The following HMGXB3 variants were observed in gnomAD, a reference collection of about 807,000 sequenced individuals.
The protein encoded by HMGXB3 is HMG domain-containing protein 3.
A neutral mutation model predicts 121.5 loss-of-function variants in HMGXB3; 45 were observed. The observed-to-expected ratio is 0.37, with a 90% CI of 0.29 to 0.47. The LOEUF is 0.47. Among genes scored for constraint, HMGXB3 ranks in the 20% least tolerant of loss-of-function variants. The probability of loss-of-function intolerance (pLI) is 0.99; values close to 1 mark genes in which losing one functional copy is unlikely to be tolerated. For synonymous variants in HMGXB3, 590 were observed against 624.1 expected (o/e 0.95, Z 0.81); for missense variants, 1,376 against 1,602.2 (o/e 0.86, Z 2.41).
chr5:150,012,291 C>CA lies in HMGXB3; in HGVS notation c.848dup (p.Phe284ValfsTer49). 6.4e-7 allele frequency: 1 copy of CA among 1,552,282 alleles called. No homozygotes were observed. The highest frequency in any genetic ancestry group is 8.7e-7 in the Non-Finnish European group (1 of 1,147,098). ...GAGTAGCTCCTCTGCACCAGCCACA[C>CA]AGTTCATCATGTTGCCTCTGCCTGC... On this transcript the variant is annotated frameshift_variant, in exon 5 of 20. Transcript: ENST00000502717.
chr5:150,011,824 C>G (rs954188489), intron 4 of HMGXB3, among the ~76,000 whole-genome samples: 8 of 151,850 alleles, frequency 5.3e-5, no homozygotes, highest in African/African-American at 1.7e-4. Flanking sequence ...GTTGGCCAGG[C>G]TGGTCTTGAA....
At chr5:150,012,027 C>T (rs1213850672) in intron 4 of HMGXB3, among the ~76,000 whole-genome samples, 1 of 152,232 alleles carries the variant, frequency 6.6e-6, no homozygotes, top group African/African-American at 2.4e-5. Flanking sequence ...GTCTTAGAAC[C>T]TCAGTTTTCT....
At chr5:150,050,019 G>T (rs1371171934) in intron 18 of HMGXB3, among the ~76,000 whole-genome samples, 1 of 152,208 alleles carries the variant, frequency 6.6e-6, no homozygotes, top group Non-Finnish European at 1.5e-5. Flanking sequence ...TTCAGCCTAA[G>T]TTGAGGACAG....
intron 6 of HMGXB3, chr5:150,021,940 G>T: frequency 4.2e-6 from 2 of 472,988 alleles, no homozygotes; most frequent in South Asian, 3.1e-5. Context: ...CGGGCTTCCT[G>T]ACCGACTTGT....
At chr5:150,047,809 G>GCCCTAAAAA in intron 17 of HMGXB3, 52 bp downstream of exon 17, 1 of 1,544,850 alleles carries the variant, frequency 6.5e-7, no homozygotes, top group Non-Finnish European at 8.8e-7. Flanking sequence ...TAGGCTGATT[G>GCCCTAAAAA]GTCCACTTTT....
intron 15 of HMGXB3, 134 bp downstream of exon 15, chr5:150,042,103 A>G (rs1756646714): frequency 9.8e-6 from 6 of 611,524 alleles, no homozygotes; most frequent in Non-Finnish European, 1.4e-5. Context: ...TTCCTCCCAC[A>G]GCCCAAGATT....
chr5:150,051,769 C>T lies in HMGXB3; in HGVS notation c.3456C>T (p.Asp1152=), dbSNP rs1392508697. 6.5e-7 allele frequency: 1 copy of T among 1,542,874 alleles called. No homozygotes were observed. Among genetic ancestry groups the T allele is most frequent in the Non-Finnish European group, 8.7e-7 (1 of 1,146,810 alleles). ...PELLDQHYTV[D]MTETEHSIQH... ...TCTTGGACCAGCATTATACTGTGGA[C>T]ATGACAGAAACTGAGCACTCTATCC... is the stretch of plus-strand genomic sequence containing the variant. The change falls in exon 20 of 20, where the codon GAC becomes GAT. Residue 1152 remains aspartate, a synonymous_variant. Transcript: ENST00000502717.
intron 6 of HMGXB3, among the ~76,000 whole-genome samples, chr5:150,021,278 C>T (rs1756087163): frequency 6.6e-6 from 1 of 152,172 alleles, no homozygotes; most frequent in Non-Finnish European, 1.5e-5. Context: ...AATAAATTGA[C>T]TTTGATTATC....
intron 13 of HMGXB3, among the ~76,000 whole-genome samples, chr5:150,039,766 T>A (rs1267708868): frequency 1.3e-5 from 2 of 150,468 alleles, no homozygotes; most frequent in Non-Finnish European, 2.9e-5. Context: ...TGACTTTTGC[T>A]TTTTAAAAAA....
At chr5:150,002,696 A>G (rs953094424) in intron 1 of HMGXB3, among the ~76,000 whole-genome samples, 2 of 151,670 alleles carry the variant, frequency 1.3e-5, no homozygotes, top group Non-Finnish European at 3.0e-5. Context: ...TGAACTGGTT[A>G]TTAAGTTTTT....
chr5:150,040,209 T>C (rs2113756949), intron 13 of HMGXB3, among the ~76,000 whole-genome samples: 1 of 152,278 alleles, frequency 6.6e-6, no homozygotes, highest in African/African-American at 2.4e-5. Flanking sequence ...TGTTTAATGA[T>C]GTATTATAGG....
At chr5:150,046,016 G>A (rs774146107) in intron 16 of HMGXB3, among the ~76,000 whole-genome samples, 2 of 152,108 alleles carry the variant, frequency 1.3e-5, no homozygotes, top group Non-Finnish European at 2.9e-5. Context: ...GTAGGGGCAG[G>A]CCAAGGAATC....
chr5:150,015,260 A>G, intron 5 of HMGXB3: 1 of 181,774 alleles, frequency 5.5e-6, no homozygotes, highest in Non-Finnish European at 1.1e-5. Context: ...GTAGAAGCTG[A>G]TGTCATTGAT....
Position 150,012,356 on chromosome 5 carries a change from C to A in HMGXB3, c.909+3C>A. 1 of 1,543,850 alleles carries A rather than the reference C, an allele frequency of 6.5e-7. No individual in the cohort carries two copies. The highest frequency in any genetic ancestry group is 8.8e-7 in the Non-Finnish European group (1 of 1,139,430). ...AGAACCCCACCTCCATCAAACTGGT[C>A]AGTACTGTATGTGGGGGATTGATGG... On this transcript the variant is annotated splice_donor_region_variant and intron_variant, in intron 5 of 19. Transcript: ENST00000502717.
chr5:150,044,061 G>A (rs1756699152), intron 15 of HMGXB3, among the ~76,000 whole-genome samples: 1 of 152,192 alleles, frequency 6.6e-6, no homozygotes, highest in Admixed American at 6.5e-5. Context: ...GTCCCAGAAT[G>A]GAGTAGCATT....
chr5:150,008,685 T>C (rs1755765152), intron 3 of HMGXB3, among the ~76,000 whole-genome samples: 2 of 152,246 alleles, frequency 1.3e-5, no homozygotes, highest in Admixed American at 6.5e-5. Context: ...TCCAGTGATA[T>C]GCCTTCTAGT....
At position 150,045,571 on chromosome 5, in the gene HMGXB3, C is replaced by T; in HGVS notation, c.2836C>T (p.Pro946Ser). 1 of 1,552,088 alleles carries T rather than the reference C, an allele frequency of 6.4e-7. No homozygotes were observed. Among genetic ancestry groups the T allele is most frequent in the South Asian group, 1.2e-5 (1 of 84,064 alleles). The change falls in exon 16 of 20, where the codon CCT (proline) becomes TCT (serine). Residue 946 changes from proline (P) to serine (S), a missense_variant. Physicochemically the swap from Pro to Ser is moderately conservative, Grantham distance 74. Coordinates refer to ENST00000502717, the MANE Select transcript of HMGXB3 (RefSeq NM_014983.3). ...IEQVAFPASIPITKFDASVIA... is the reference protein window; with the variant it reads ...IEQVAFPASISITKFDASVIA... ...GCAGGTGGCATTTCCTGCCAGCATC[C>T]CTATCACCAAATTTGATGCGTCTGT...
Position 150,006,460 on chromosome 5 carries a change from A to G in HMGXB3, c.138-13A>G. 1.9e-6 allele frequency: 3 copies of G among 1,545,498 alleles called. No individual in the cohort carries two copies. Among genetic ancestry groups the G allele is most frequent in the Non-Finnish European group, 2.6e-6 (3 of 1,143,282 alleles). ...ATTACTGGGAAAGCCTGAAGAAGTC[A>G]TTGCTTCCTCAGGTCTGCTTACCTT... On this transcript the variant is annotated splice_polypyrimidine_tract_variant and intron_variant, in intron 2 of 19. Coordinates refer to ENST00000502717, the MANE Select transcript of HMGXB3 (RefSeq NM_014983.3).
At position 150,006,521 on chromosome 5, in the gene HMGXB3, G is replaced by A. The variant is rs1263775847; in HGVS notation, c.186G>A (p.Gln62=). Reference sequence around the variant, plus strand: ...ACGACATCTACCTGAAAGTGCAGCAGGAGCTCCCCCACCTCCCTCAGTCTG... The same window carrying A: ...ACGACATCTACCTGAAAGTGCAGCAAGAGCTCCCCCACCTCCCTCAGTCTG... ...YYYDIYLKVQ[Q]ELPHLPQSEI... Residue 62 remains glutamine, a synonymous_variant, in exon 3 of 20, where the codon CAG becomes CAA. Coordinates refer to ENST00000502717, the MANE Select transcript of HMGXB3 (RefSeq NM_014983.3). The A allele has an allele frequency of 1.3e-6, 2 of 1,551,966 alleles. No homozygotes were observed. Among genetic ancestry groups the A allele is most frequent in the Non-Finnish European group, 1.7e-6 (2 of 1,147,042 alleles).
Sources: allele counts gnomAD v4.1 joint callset (sites outside exome capture counted in the v4.1 genomes callset), GRCh38; gene constraint gnomAD v4.1.1; transcripts MANE v1.5; gene names NCBI Gene and HGNC (gene_info 2026-07-23, HGNC 2026-07-21).